The following GNPAT variants were observed in gnomAD, a reference collection of about 807,000 sequenced individuals.
The protein encoded by GNPAT is glyceronephosphate O-acyltransferase.
Under a neutral mutation model 78.4 loss-of-function variants are expected in GNPAT, and 30 were observed. The observed-to-expected ratio is 0.38, with a 90% CI of 0.29 to 0.52. GNPAT has a LOEUF of 0.52. Ranked by LOEUF, GNPAT falls within the 20% of genes least tolerant of loss-of-function variation. GNPAT has a pLI of 0.84. For synonymous variants in GNPAT, 271 were observed against 281.1 expected (o/e 0.96, Z 0.36); for missense variants, 714 against 812.2 (o/e 0.88, Z 1.47).
intron 1 of GNPAT, among the ~76,000 whole-genome samples, chr1:231,242,015 A>G (rs822625): frequency 0.57 from 86,353 of 152,106 alleles, 24,744 homozygotes; most frequent in South Asian, 0.64. Flanking sequence ...TACCTTTTCC[A>G]CAAATCATTT....
chr1:231,245,332 A>T (rs1391530002), intron 1 of GNPAT, among the ~76,000 whole-genome samples: 1 of 151,738 alleles, frequency 6.6e-6, no homozygotes, highest in East Asian at 1.9e-4. Flanking sequence ...GTGACCTCCA[A>T]CTCTTGAGCT....
Position 231,275,485 on chromosome 1 carries a change from G to GAGA in GNPAT, c.1934_1936dup (p.Lys645dup). On this transcript the variant is annotated inframe_insertion, in exon 14 of 16. Transcript: ENST00000366647. ...AGCCTGTGTGAGGCTCGGAGTAGTG[G>GAGA]AGAAGAAGAAGATGTAAGTACTGTA... 1.3e-6 allele frequency: 2 copies of GAGA among 1,592,778 alleles called. No individual in the cohort carries two copies. Among genetic ancestry groups the GAGA allele is most frequent in the Non-Finnish European group, 1.7e-6 (2 of 1,160,436 alleles).
intron 9 of GNPAT, among the ~76,000 whole-genome samples, chr1:231,268,164 G>A (rs113514736): frequency 3.3e-5 from 5 of 152,106 alleles, no homozygotes; most frequent in East Asian, 1.9e-4. Context: ...TTAACCAGGC[G>A]TGGTGGTAGG....
Position 231,262,781 on chromosome 1 carries a change from T to C in GNPAT, c.497T>C (p.Ile166Thr). The C allele has an allele frequency of 6.2e-7, 1 of 1,606,446 alleles. No individual in the cohort carries two copies. Among genetic ancestry groups the C allele is most frequent in the Non-Finnish European group, 8.5e-7 (1 of 1,173,018 alleles). ...VVLLPSHRSY[I>T]DFLMLSFLLY... Reference sequence around the variant, plus strand: ...CTGCTGCCTAGTCATCGAAGTTACATTGACTTCCTCATGTTGTCTTTTCTT... The same window carrying C: ...CTGCTGCCTAGTCATCGAAGTTACACTGACTTCCTCATGTTGTCTTTTCTT... Residue 166 changes from isoleucine to threonine, a missense_variant, in exon 4 of 16, where the codon ATT becomes ACT. By Grantham distance (89) the Ile-to-Thr change is moderately conservative (BLOSUM62 -1). Coordinates refer to ENST00000366647, the MANE Select transcript of GNPAT (RefSeq NM_014236.4).
At chr1:231,255,203 G>A (rs1375349054) in intron 2 of GNPAT, among the ~76,000 whole-genome samples, 2 of 151,932 alleles carry the variant, frequency 1.3e-5, no homozygotes, top group East Asian at 1.9e-4. Context: ...CTATTCCTTT[G>A]TTCTAAATTC....
intron 1 of GNPAT, among the ~76,000 whole-genome samples, chr1:231,244,231 T>C (rs562535217): frequency 6.6e-6 from 1 of 152,302 alleles, no homozygotes; most frequent in East Asian, 1.9e-4. Flanking sequence ...ATTATCTGTA[T>C]AGGTAACCTG....
At chr1:231,246,496 A>G (rs1276903472) in intron 1 of GNPAT, among the ~76,000 whole-genome samples, 2 of 152,196 alleles carry the variant, frequency 1.3e-5, no homozygotes, top group Non-Finnish European at 2.9e-5. Flanking sequence ...AGCAGTTAAA[A>G]GGGAGGTATA....
chr1:231,247,020 T>G (rs977323344), intron 1 of GNPAT, among the ~76,000 whole-genome samples: 2 of 152,120 alleles, frequency 1.3e-5, no homozygotes, highest in African/African-American at 4.8e-5. Flanking sequence ...ATACAAAAAA[T>G]TAGCCGGGCA....
intron 10 of GNPAT, 144 bp downstream of exon 10, chr1:231,271,144 C>T: frequency 1.0e-6 from 1 of 966,986 alleles, no homozygotes; most frequent in South Asian, 1.3e-5. Flanking sequence ...TAGCTTTGTT[C>T]CCCAAATACT....
At chr1:231,249,761 T>A (rs1283680229) in intron 1 of GNPAT, among the ~76,000 whole-genome samples, 1 of 152,238 alleles carries the variant, frequency 6.6e-6, no homozygotes, top group Admixed American at 6.5e-5. Flanking sequence ...TCAGCACATA[T>A]GACAAGTGTC....
intron 1 of GNPAT, among the ~76,000 whole-genome samples, chr1:231,249,180 G>A (rs1455111635): frequency 6.6e-6 from 1 of 152,306 alleles, no homozygotes; most frequent in South Asian, 2.1e-4. Context: ...ATTTATTAAT[G>A]AGAAATGTGG....
intron 2 of GNPAT, among the ~76,000 whole-genome samples, chr1:231,256,801 A>G (rs1261890367): frequency 6.6e-6 from 1 of 152,090 alleles, no homozygotes; most frequent in Admixed American, 6.5e-5. Context: ...TCTCTGTTAA[A>G]TGTCTCTTCC....
chr1:231,247,007 T>C (rs900180109), intron 1 of GNPAT, among the ~76,000 whole-genome samples: 9 of 152,140 alleles, frequency 5.9e-5, no homozygotes, highest in African/African-American at 2.2e-4. Context: ...GTCTCTACTA[T>C]AAATACAAAA....
At chr1:231,273,650 T>TCCATCAC (rs1023221998) in intron 11 of GNPAT, among the ~76,000 whole-genome samples, 1 of 152,146 alleles carries the variant, frequency 6.6e-6, no homozygotes, top group African/African-American at 2.4e-5. Flanking sequence ...TAAAAGAAAA[T>TCCATCAC]CCATCACCCA....
intron 1 of GNPAT, among the ~76,000 whole-genome samples, chr1:231,248,741 TATA>T (rs1367658455): frequency 6.6e-6 from 1 of 152,212 alleles, no homozygotes; most frequent in African/African-American, 2.4e-5. Flanking sequence ...CCCATAAGAT[TATA>T]ATATCGTATT....
At chr1:231,260,775 AT>A in intron 3 of GNPAT, 92 bp downstream of exon 3, 2 of 884,104 alleles carry the variant, frequency 2.3e-6, no homozygotes, top group South Asian at 2.9e-5. Flanking sequence ...ACCCCTCACA[AT>A]TTAATCAACT....
chr1:231,260,654 G>C lies in GNPAT; in HGVS notation c.409G>C (p.Val137Leu), dbSNP rs369143164. Residue 137 changes from valine to leucine, a missense_variant, in exon 3 of 16, where the codon GTG (valine) becomes CTG (leucine). By Grantham distance (32) the Val-to-Leu change is conservative. Transcript: ENST00000366647. Reference protein sequence around the residue: ...SKVFKQIFSKVCVNEEGIQKL... With the variant: ...SKVFKQIFSKLCVNEEGIQKL... ...AGTATTTAAACAAATTTTCTCGAAG[G>C]TGTGTGTAAATGAAGAAGGTATTCA... 4 of 1,611,784 alleles carry C rather than the reference G, an allele frequency of 2.5e-6. No individual in the cohort carries two copies. The African/African-American group carries it at 5.4e-5, about 22-fold the overall frequency.
intron 10 of GNPAT, among the ~76,000 whole-genome samples, chr1:231,271,331 C>T (rs1270068925): frequency 6.6e-6 from 1 of 152,190 alleles, no homozygotes; most frequent in African/African-American, 2.4e-5. Context: ...GTGCCAGCTC[C>T]CTGATCCAGC....
At chr1:231,260,710 A>G in intron 3 of GNPAT, 27 bp downstream of exon 3, 8 of 1,402,310 alleles carry the variant, frequency 5.7e-6, no homozygotes, top group Non-Finnish European at 8.1e-6. Context: ...AAAAAAATAA[A>G]GAAATAAAAG....
Sources: gnomAD v4.1 joint callset for allele counts (sites outside exome capture counted in the v4.1 genomes callset) on GRCh38, gnomAD v4.1.1 for gene constraint, MANE v1.5 for transcripts, NCBI Gene and HGNC (gene_info 2026-07-23, HGNC 2026-07-21) for gene names.